ACVR1C: variants seen among roughly 807,000 people sequenced by gnomAD.
ACVR1C encodes the protein activin A receptor type 1C, also known as activin receptor type-1C.
A neutral mutation model predicts 57.9 loss-of-function variants in ACVR1C; 23 were observed. That is an observed-to-expected ratio of 0.40 (90% confidence interval 0.29 to 0.56). ACVR1C has a LOEUF of 0.56. Among genes scored for constraint, ACVR1C ranks in the 20% least tolerant of loss-of-function variants. The pLI, the probability that ACVR1C is intolerant of heterozygous loss-of-function variation, is 0.50. For synonymous variants in ACVR1C, 214 were observed against 215.3 expected, an observed-to-expected ratio of 0.99 and a Z score of 0.05; for missense variants, 480 against 607.9, an observed-to-expected ratio of 0.79 and a Z score of 2.21.
At chr2:157,583,169 ATTT>A (rs1169797583) in intron 2 of ACVR1C, among the ~76,000 whole-genome samples, 3 of 152,168 alleles carry the variant, frequency 2.0e-5, no homozygotes, top group Admixed American at 2.0e-4. Context: ...CCTATAAGTT[ATTT>A]TCACAAGCTT....
chr2:157,607,885 T>C (rs900756302), intron 1 of ACVR1C, among the ~76,000 whole-genome samples: 1 of 151,772 alleles, frequency 6.6e-6, no homozygotes, highest in African/African-American at 2.4e-5. Context: ...AAATATAAGA[T>C]CGTGTCCTCT....
chr2:157,534,630 AT>A (rs1410234339), intron 8 of ACVR1C, among the ~76,000 whole-genome samples: 1 of 152,242 alleles, frequency 6.6e-6, no homozygotes, highest in East Asian at 1.9e-4. Context: ...AATAAAAATT[AT>A]GATCCAAGTA....
intron 1 of ACVR1C, among the ~76,000 whole-genome samples, chr2:157,598,316 A>G (rs1318059711): frequency 6.6e-6 from 1 of 151,786 alleles, no homozygotes; most frequent in Non-Finnish European, 1.5e-5. Flanking sequence ...CCTCATAAAT[A>G]TATACAATTA....
At chr2:157,583,365 G>GT (rs1688835056) in intron 2 of ACVR1C, among the ~76,000 whole-genome samples, 1 of 152,078 alleles carries the variant, frequency 6.6e-6, no homozygotes, top group African/African-American at 2.4e-5. Context: ...ACTGCTAAGA[G>GT]TAACTGGAGA....
chr2:157,623,363 A>T (rs1442024014), intron 1 of ACVR1C, among the ~76,000 whole-genome samples: 1 of 152,232 alleles, frequency 6.6e-6, no homozygotes, highest in African/African-American at 2.4e-5. Context: ...CTAAGTGTCC[A>T]TCAACAGACG....
At chr2:157,595,841 T>G (rs1293151105) in intron 1 of ACVR1C, among the ~76,000 whole-genome samples, 3 of 152,186 alleles carry the variant, frequency 2.0e-5, no homozygotes, top group African/African-American at 7.2e-5. Context: ...ATTCTCCCCT[T>G]TCTTCTCATT....
At chr2:157,568,004 T>A (rs1367608285) in intron 2 of ACVR1C, among the ~76,000 whole-genome samples, 1 of 146,252 alleles carries the variant, frequency 6.8e-6, no homozygotes, top group East Asian at 2.2e-4. Flanking sequence ...CCCATCAGAC[T>A]AACAGCGGAT....
In ACVR1C at chr2:157,527,417, G is replaced by A. The variant is rs1687253881; in HGVS notation, c.*6501C>T. On this transcript the variant is annotated 3_prime_UTR_variant, in exon 9 of 9. Coordinates refer to ENST00000243349, the MANE Select transcript of ACVR1C (RefSeq NM_145259.3). ...AGTTCAAGAGTTCAAGGCATGTTTT[G>A]CAATGTCAAAATGCAATGGTTTTGA... The A allele has an allele frequency of 6.6e-6, 1 of 152,116 alleles. No individual in the cohort carries two copies. Among genetic ancestry groups the A allele is most frequent in the Non-Finnish European group, 1.5e-5 (1 of 67,998 alleles). 9.4% of individuals were successfully genotyped at this position (152,116 alleles called of 1,614,324 possible).
rs188216410 is a variant in ACVR1C, at chr2:157,576,591, G to A, written c.304+10596C>T. 1.9e-3 allele frequency among the ~76,000 whole-genome samples: 290 copies of A among 152,214 alleles called. 5 individuals carry two copies. Among genetic ancestry groups the A allele is most frequent in the Non-Finnish European group, 1.3e-3 (88 of 68,022 alleles). On this transcript the variant is annotated intron_variant, in intron 2 of 8. Transcript: ENST00000243349. Reference sequence around the variant, plus strand: ...TCAACTTGGGTAAACTTGAACTATGGCTCCCAGAGTATCATTTCCTATATG... The same window carrying A: ...TCAACTTGGGTAAACTTGAACTATGACTCCCAGAGTATCATTTCCTATATG...
intron 1 of ACVR1C, 110 bp from the exon 2 acceptor site, chr2:157,587,527 A>T: frequency 1.3e-6 from 1 of 793,162 alleles, no homozygotes; most frequent in Non-Finnish European, 2.0e-6. Context: ...AAAAGGGTTT[A>T]AATAAAAACA....
chr2:157,550,679 C>G (rs1430754681), intron 3 of ACVR1C, among the ~76,000 whole-genome samples: 1 of 150,992 alleles, frequency 6.6e-6, no homozygotes, highest in African/African-American at 2.4e-5. Flanking sequence ...TGCTGCAAAT[C>G]TCCTTCATTT....
intron 8 of ACVR1C, among the ~76,000 whole-genome samples, chr2:157,537,073 A>G (rs1687507136): frequency 6.6e-6 from 1 of 152,160 alleles, no homozygotes; most frequent in South Asian, 2.1e-4. Context: ...TATAATGGAG[A>G]GTAAAAACAT....
chr2:157,562,751 C>T (rs984263279), intron 2 of ACVR1C, among the ~76,000 whole-genome samples: 2 of 152,086 alleles, frequency 1.3e-5, no homozygotes, highest in Non-Finnish European at 2.9e-5. Context: ...ACCGGTAGCA[C>T]ATCAAAAAGT....
chr2:157,575,977 T>A (rs1484263199), intron 2 of ACVR1C, among the ~76,000 whole-genome samples: 1 of 152,178 alleles, frequency 6.6e-6, no homozygotes, highest in African/African-American at 2.4e-5. Context: ...CACTCACACA[T>A]TACTTTGAAA....
intron 3 of ACVR1C, among the ~76,000 whole-genome samples, chr2:157,554,245 AAGAAAGAAAG>A (rs1275977963): frequency 7.3e-6 from 1 of 137,596 alleles, no homozygotes; most frequent in Non-Finnish European, 1.5e-5. Context: ...GAAAGAAAGA[AAGAAAGAAAG>A]AAAGAAAGAA....
At chr2:157,595,431 C>T (rs1682071451) in intron 1 of ACVR1C, among the ~76,000 whole-genome samples, 1 of 152,238 alleles carries the variant, frequency 6.6e-6, no homozygotes, top group South Asian at 2.1e-4. Context: ...GGGGAAAAAA[C>T]AGACCCTATT....
chr2:157,599,502 C>T (rs1265075589), intron 1 of ACVR1C, among the ~76,000 whole-genome samples: 1 of 152,044 alleles, frequency 6.6e-6, no homozygotes, highest in African/African-American at 2.4e-5. Flanking sequence ...AAGATGTTCA[C>T]CTGCCAGAAA....
intron 2 of ACVR1C, among the ~76,000 whole-genome samples, chr2:157,575,913 C>T (rs1004021832): frequency 1.3e-5 from 2 of 152,160 alleles, no homozygotes; most frequent in African/African-American, 4.8e-5. Flanking sequence ...TCAGCTGTCT[C>T]CAATACCTAC....
chr2:157,539,671 C>G (rs1443374838), intron 7 of ACVR1C, among the ~76,000 whole-genome samples: 2 of 152,176 alleles, frequency 1.3e-5, no homozygotes, highest in Admixed American at 1.3e-4. Context: ...GTCCTCAAAA[C>G]TACTGACTAA....
Sources: allele counts gnomAD v4.1 joint callset (sites outside exome capture counted in the v4.1 genomes callset), GRCh38; gene constraint gnomAD v4.1.1; transcripts MANE v1.5; gene names NCBI Gene and HGNC (gene_info 2026-07-23, HGNC 2026-07-21).